ANKRD50: variants seen among roughly 807,000 people sequenced by gnomAD.
ANKRD50 encodes the protein ankyrin repeat domain 50.
Under a neutral mutation model 112.0 loss-of-function variants are expected in ANKRD50, and 40 were observed. The ratio of observed to expected loss-of-function variants is 0.36; its 90% CI spans 0.28 to 0.46. The LOEUF (loss-of-function observed/expected upper bound fraction) is 0.46. ANKRD50 is among the 20% of genes least tolerant of loss of function. The probability of loss-of-function intolerance (pLI) is 1.00; values close to 1 mark genes in which losing one functional copy is unlikely to be tolerated. For synonymous variants in ANKRD50, 613 were observed against 619.1 expected, an observed-to-expected ratio of 0.99 and a Z score of 0.15; for missense variants, 1,487 against 1,701.7, an observed-to-expected ratio of 0.87 and a Z score of 2.22.
rs1422017433 is a variant in ANKRD50 at position 124,669,326 on chromosome 4, T to C, written c.3951A>G (p.Ala1317=). Residue 1317 remains alanine (A), a synonymous_variant, in exon 4 of 5, where the codon GCA becomes GCG. Transcript: ENST00000504087. ...ATTCTGCTGGCATTTGTTTAGGTGGTGCAGCAGTCCCGGATTTGGCTATAG... is the reference window on the plus strand; with the variant it reads ...ATTCTGCTGGCATTTGTTTAGGTGGCGCAGCAGTCCCGGATTTGGCTATAG... ...RGPIAKSGTA[A]PPKQMPAESQ... 5.6e-6 allele frequency: 9 copies of C among 1,613,682 alleles called. No individual in the cohort carries two copies. Among genetic ancestry groups the C allele is most frequent in the Non-Finnish European group, 7.6e-6 (9 of 1,179,844 alleles).
rs545272801 is a variant in ANKRD50, at chr4:124,710,036, C to T, written c.476G>A (p.Gly159Glu). The T allele has an allele frequency of 1.8e-5, 29 of 1,614,092 alleles. 1 individual carries two copies. The South Asian group carries it at 1.9e-4, about 10-fold the overall frequency. Residue 159 changes from glycine to glutamate, a missense_variant, in exon 2 of 5, where the codon GGG becomes GAG. Around this residue, in one of 2 missense-constraint regions of ANKRD50, gnomAD observed 1,046 missense variants for 1,269.5 expected, o/e 0.82. Coordinates refer to ENST00000504087, the MANE Select transcript of ANKRD50 (RefSeq NM_020337.3). ...DPAVQSLLQP[G>E]ECERNPAEAF... is the part of the protein sequence containing the mutation. The stretch of plus-strand genomic sequence containing the variant: ...TTCGGCTGGGTTTCTCTCGCACTCC[C>T]CAGGCTGTAAGAGGCTTTGGACTGC...
intron 1 of ANKRD50, among the ~76,000 whole-genome samples, chr4:124,712,234 G>T (rs935026168): frequency 6.6e-6 from 1 of 152,082 alleles, no homozygotes; most frequent in African/African-American, 2.4e-5. Flanking sequence ...GCCAATCCCA[G>T]ACGAGGGGTC....
At position 124,671,474 on chromosome 4, in the gene ANKRD50, T is replaced by TCCACACCCAATCAAACAATTAA; in HGVS notation, c.1781_1802dup (p.Ala602Ter). ...CTTGATCAGTATGATTAATATTTGC[T>TCCACACCCAATCAAACAATTAA]CCACACCCAATCAAACAATTAACCA... On this transcript the variant is annotated stop_gained and frameshift_variant, in exon 4 of 5. Transcript: ENST00000504087. LOFTEE classifies it high-confidence loss of function. 1 of 1,613,760 alleles carries TCCACACCCAATCAAACAATTAA rather than the reference T, an allele frequency of 6.2e-7. No individual in the cohort carries two copies. Among genetic ancestry groups the TCCACACCCAATCAAACAATTAA allele is most frequent in the Non-Finnish European group, 8.5e-7 (1 of 1,179,834 alleles).
chr4:124,696,865 G>C (rs80102476), intron 2 of ANKRD50, among the ~76,000 whole-genome samples: 6,730 of 152,112 alleles, frequency 0.044, 270 homozygotes, highest in East Asian at 0.21. Flanking sequence ...AGATATAACT[G>C]ACATAAAAAT....
chr4:124,708,500 T>C (rs1347310532), intron 2 of ANKRD50, among the ~76,000 whole-genome samples: 1 of 152,092 alleles, frequency 6.6e-6, no homozygotes, highest in Admixed American at 6.6e-5. Context: ...TCCTCCCATA[T>C]TTGAATTCTG....
chr4:124,704,178 A>T (rs1416885130), intron 2 of ANKRD50, among the ~76,000 whole-genome samples: 3 of 152,230 alleles, frequency 2.0e-5, no homozygotes, highest in Non-Finnish European at 4.4e-5. Flanking sequence ...AATTATATTG[A>T]TTCACTTATT....
rs1419971110 is a variant in ANKRD50, at chr4:124,667,348, AAGGCAGCCTTACTATTTAGGCACATTAC to A, written c.*142_*169del. The A allele has an allele frequency of 2.0e-5, 3 of 152,042 alleles. No homozygotes were observed. The highest frequency in any genetic ancestry group is 7.2e-5 in the African/African-American group (3 of 41,424). The allele number at this position is 152,042 out of a possible 1,614,324, so 9.4% of individuals were successfully genotyped here. Reference sequence around the variant, plus strand: ...TTTAAGCACAGAGGGTTACATTGAGAAGGCAGCCTTACTATTTAGGCACATTACAGTAATTAAGGTAACTGTACTGCAG... The same window carrying A: ...TTTAAGCACAGAGGGTTACATTGAGAAGTAATTAAGGTAACTGTACTGCAG... On this transcript the variant is annotated 3_prime_UTR_variant, in exon 5 of 5. Transcript: ENST00000504087.
At chr4:124,682,149 T>C (rs1724903330) in intron 2 of ANKRD50, among the ~76,000 whole-genome samples, 1 of 151,762 alleles carries the variant, frequency 6.6e-6, no homozygotes, top group Non-Finnish European at 1.5e-5. Context: ...ACCCCGTCTC[T>C]ACTAAAAATA....
chr4:124,691,658 T>C lies in ANKRD50; in HGVS notation c.513-12753A>G, dbSNP rs1310929910. On this transcript the variant is annotated intron_variant, in intron 2 of 4. Coordinates refer to ENST00000504087, the MANE Select transcript of ANKRD50 (RefSeq NM_020337.3). ...GATTTCCCATTTCTGCTCTAAACAG[T>C]ACACTTAAAACATTCTGATGTCTCA... 2.6e-5 allele frequency among the ~76,000 whole-genome samples: 4 copies of C among 152,318 alleles called. No individual in the cohort carries two copies. The East Asian group carries it at 5.8e-4, about 22-fold the overall frequency.
At position 124,711,101 on chromosome 4, in the gene ANKRD50, G is replaced by A. The variant is rs1367985032; in HGVS notation, c.-590C>T. The stretch of plus-strand genomic sequence containing the variant: ...GTTTCAGGCATCTGGGCAACTGCCA[G>A]GAACTGTTTCAGATTATAGTCTCTT... On this transcript the variant is annotated 5_prime_UTR_variant, in exon 2 of 5. Coordinates refer to ENST00000504087, the MANE Select transcript of ANKRD50 (RefSeq NM_020337.3). 4.4e-6 allele frequency: 1 copy of A among 228,216 alleles called. No homozygotes were observed. The highest frequency in any genetic ancestry group is 8.7e-5 in the East Asian group (1 of 11,500). 14.1% of individuals were successfully genotyped at this position (228,216 alleles called of 1,614,324 possible). A position where few individuals can be genotyped will look rare whatever the true frequency, so the allele number is the denominator to read the frequency against.
chr4:124,699,052 A>C (rs568950501), intron 2 of ANKRD50, among the ~76,000 whole-genome samples: 4 of 152,286 alleles, frequency 2.6e-5, no homozygotes, highest in African/African-American at 9.6e-5. Context: ...AGAGTTTGTA[A>C]CAATTACGTG....
rs186949640 is a variant in ANKRD50, at chr4:124,693,501, C to A, written c.513-14596G>T. Among the ~76,000 whole-genome samples the A allele has an allele frequency of 2.2e-4, 33 of 152,190 alleles. No homozygotes were observed. The East Asian group carries it at 4.8e-3, about 22-fold the overall frequency. On this transcript the variant is annotated intron_variant, in intron 2 of 4. Transcript: ENST00000504087. Reference sequence around the variant, plus strand: ...ATCTGGATCTGTAGTTAATTACCTGCGATGTATCAGAATACTTTTTATGTA... The same window carrying A: ...ATCTGGATCTGTAGTTAATTACCTGAGATGTATCAGAATACTTTTTATGTA...
chr4:124,671,839 T>C lies in ANKRD50; in HGVS notation c.1438A>G (p.Thr480Ala). Residue 480 changes from threonine to alanine, a missense_variant, in exon 4 of 5, where the codon ACA becomes GCA. Coordinates refer to ENST00000504087, the MANE Select transcript of ANKRD50 (RefSeq NM_020337.3). Reference protein sequence around the residue: ...ELALWMIWNGTPVRDSLSTLI... With the variant: ...ELALWMIWNGAPVRDSLSTLI... ...GTAGAAAGGGAATCTCTGACAGGTGTACCATTCCATATCATCCACAGAGCT... is the reference window on the plus strand; with the variant it reads ...GTAGAAAGGGAATCTCTGACAGGTGCACCATTCCATATCATCCACAGAGCT... 2 of 1,613,888 alleles carry C rather than the reference T, an allele frequency of 1.2e-6. No individual in the cohort carries two copies. Among genetic ancestry groups the C allele is most frequent in the African/African-American group, 1.3e-5 (1 of 75,014 alleles).
In ANKRD50 at chr4:124,672,051, T is replaced by G; in HGVS notation, c.1226A>C (p.Tyr409Ser). Reference sequence around the variant, plus strand: ...ATCCAGAAGCCACTCGGCAAAACTATAATGAAACAGTATTTTTGTATTTCC... The same window carrying G: ...ATCCAGAAGCCACTCGGCAAAACTAGAATGAAACAGTATTTTTGTATTTCC... Reference protein sequence around the residue: ...GLGNTKILFHYSFAEWLLDVK... With the variant: ...GLGNTKILFHSSFAEWLLDVK... The change falls in exon 4 of 5, where the codon TAT (tyrosine) becomes TCT (serine). Residue 409 changes from tyrosine to serine, a missense_variant. Physicochemically the swap from Tyr to Ser is moderately radical, Grantham distance 144. Coordinates refer to ENST00000504087, the MANE Select transcript of ANKRD50 (RefSeq NM_020337.3). The G allele has an allele frequency of 6.2e-7, 1 of 1,613,888 alleles. No homozygotes were observed. Among genetic ancestry groups the G allele is most frequent in the South Asian group, 1.1e-5 (1 of 91,080 alleles).
At chr4:124,706,889 C>T (rs1725518245) in intron 2 of ANKRD50, among the ~76,000 whole-genome samples, 2 of 152,066 alleles carry the variant, frequency 1.3e-5, no homozygotes, top group Non-Finnish European at 2.9e-5. Flanking sequence ...TTGAATATAT[C>T]ATGTAATTTA....
intron 2 of ANKRD50, among the ~76,000 whole-genome samples, chr4:124,693,481 G>T (rs1345935134): frequency 6.6e-6 from 1 of 151,938 alleles, no homozygotes; most frequent in Non-Finnish European, 1.5e-5. Flanking sequence ...ACTAAATCTG[G>T]ATCTGTAGTT....
intron 2 of ANKRD50, among the ~76,000 whole-genome samples, chr4:124,684,151 T>G (rs1724954586): frequency 6.6e-6 from 1 of 152,164 alleles, no homozygotes; most frequent in African/African-American, 2.4e-5. Flanking sequence ...ATGAAAACAT[T>G]TTTTATGGTG....
chr4:124,697,452 A>C (rs1179063333), intron 2 of ANKRD50, among the ~76,000 whole-genome samples: 1 of 152,148 alleles, frequency 6.6e-6, no homozygotes, highest in African/African-American at 2.4e-5. Context: ...AAGGTAGATT[A>C]ATATGTTTCT....
intron 2 of ANKRD50, among the ~76,000 whole-genome samples, chr4:124,704,391 T>C (rs1725458978): frequency 6.6e-6 from 1 of 152,206 alleles, no homozygotes; most frequent in Admixed American, 6.5e-5. Context: ...CGCCTCTTTG[T>C]TGAGTGCCAA....
Sources: gnomAD v4.1 joint callset for allele counts (sites outside exome capture counted in the v4.1 genomes callset) on GRCh38, gnomAD v4.1.1 for gene constraint, gnomAD v4.1.1 regional missense constraint, MANE v1.5 for transcripts, NCBI Gene and HGNC (gene_info 2026-07-23, HGNC 2026-07-21) for gene names.